The following GPC5 variants were observed in gnomAD, a reference collection of about 807,000 sequenced individuals.
GPC5 encodes the protein glypican-5.
In GPC5, 47 loss-of-function variants were observed where a neutral mutation model predicts 53.9. The ratio of observed to expected loss-of-function variants is 0.87; its 90% CI spans 0.69 to 1.11. GPC5 has a LOEUF of 1.11. GPC5 is among the 50% of genes most tolerant of loss of function. The probability of loss-of-function intolerance (pLI) is 0.00; values close to 1 mark genes in which losing one functional copy is unlikely to be tolerated. For missense variants in GPC5, 748 were observed against 713.1 expected (o/e 1.05, Z -0.56); for synonymous variants, 286 against 263.3 (o/e 1.09, Z -0.84).
intron 7 of GPC5, among the ~76,000 whole-genome samples, chr13:92,801,544 C>T (rs1876908766): frequency 6.6e-6 from 1 of 151,464 alleles, no homozygotes; most frequent in Non-Finnish European, 1.5e-5. Flanking sequence ...TTAGAGTGTA[C>T]TCCTTCAATT....
chr13:92,773,926 A>G (rs1039950775), intron 7 of GPC5, among the ~76,000 whole-genome samples: 2 of 152,206 alleles, frequency 1.3e-5, no homozygotes, highest in Non-Finnish European at 2.9e-5. Context: ...GCAAAGGAGG[A>G]GCAAAATCAT....
At chr13:92,291,751 T>A (rs2042997968) in intron 7 of GPC5, among the ~76,000 whole-genome samples, 1 of 152,126 alleles carries the variant, frequency 6.6e-6, no homozygotes, top group Non-Finnish European at 1.5e-5. Context: ...GCTGTAACAC[T>A]CACCCTGAAG....
intron 2 of GPC5, among the ~76,000 whole-genome samples, chr13:91,459,378 C>T (rs1017227637): frequency 1.1e-4 from 17 of 151,928 alleles, no homozygotes; most frequent in African/African-American, 4.1e-4. Flanking sequence ...AAAGAGGCAC[C>T]GTGGTGACTT....
intron 7 of GPC5, among the ~76,000 whole-genome samples, chr13:92,657,229 T>C (rs535580543): frequency 9.2e-5 from 14 of 152,108 alleles, no homozygotes; most frequent in Non-Finnish European, 1.8e-4. Flanking sequence ...TATATTAAAG[T>C]TAAGTATGAT....
chr13:91,428,200 G>T (rs975060032), intron 1 of GPC5, among the ~76,000 whole-genome samples: 1 of 152,164 alleles, frequency 6.6e-6, no homozygotes, highest in Non-Finnish European at 1.5e-5. Flanking sequence ...TGAGTTGTGA[G>T]TTCTTGTCTC....
chr13:92,045,458 C>T lies in GPC5; in HGVS notation c.1402-99372C>T, dbSNP rs557392181. ...GAGTAACTTCATTCCTAAACTTTCCCTGGGATATTTTATGGGCTTGCTGAA... is the reference window on the plus strand; with the variant it reads ...GAGTAACTTCATTCCTAAACTTTCCTTGGGATATTTTATGGGCTTGCTGAA... On this transcript the variant is annotated intron_variant, in intron 6 of 7. Coordinates refer to ENST00000377067, the MANE Select transcript of GPC5 (RefSeq NM_004466.6). Among the ~76,000 whole-genome samples, 10 of 152,138 alleles carry T rather than the reference C, an allele frequency of 6.6e-5. No homozygotes were observed. The South Asian group carries it at 2.1e-3, about 32-fold the overall frequency.
chr13:92,387,265 T>C (rs1874776082), intron 7 of GPC5, among the ~76,000 whole-genome samples: 2 of 152,114 alleles, frequency 1.3e-5, no homozygotes, highest in African/African-American at 4.8e-5. Flanking sequence ...AAAGTGGCTT[T>C]GTGTGACGTA....
chr13:91,523,016 C>A (rs11618176), intron 2 of GPC5, among the ~76,000 whole-genome samples: 2,916 of 152,170 alleles, frequency 0.019, 53 homozygotes, highest in Middle Eastern at 0.048. Flanking sequence ...TATCATCTTT[C>A]TGGTGTACAA....
chr13:92,101,874 A>G (rs2041469898), intron 6 of GPC5, among the ~76,000 whole-genome samples: 1 of 152,214 alleles, frequency 6.6e-6, no homozygotes, highest in African/African-American at 2.4e-5. Context: ...AAAGGGAAAA[A>G]TAAATCAACA....
chr13:92,662,663 C>T (rs528232219), intron 7 of GPC5, among the ~76,000 whole-genome samples: 1 of 152,250 alleles, frequency 6.6e-6, no homozygotes, highest in South Asian at 2.1e-4. Flanking sequence ...TTAAAAAGGT[C>T]GTGAAGTGCC....
At chr13:92,447,433 T>C (rs1017521446) in intron 7 of GPC5, 5 of 152,082 alleles carry the variant, frequency 3.3e-5, no homozygotes, top group African/African-American at 1.2e-4. Context: ...AATTAATCTG[T>C]AGCTAAGACT....
At chr13:92,203,955 A>T (rs889627985) in intron 7 of GPC5, among the ~76,000 whole-genome samples, 1 of 152,142 alleles carries the variant, frequency 6.6e-6, no homozygotes, top group Admixed American at 6.5e-5. Context: ...CTAATAGCTA[A>T]CTTCTCAATA....
intron 5 of GPC5, among the ~76,000 whole-genome samples, chr13:91,844,298 T>A (rs1386032361): frequency 2.6e-5 from 4 of 152,206 alleles, no homozygotes; most frequent in Non-Finnish European, 5.9e-5. Flanking sequence ...GAAAAGCAGA[T>A]CATCATGAGT....
chr13:91,851,922 C>A (rs1265401128), intron 5 of GPC5, among the ~76,000 whole-genome samples: 1 of 148,744 alleles, frequency 6.7e-6, no homozygotes, highest in Non-Finnish European at 1.5e-5. Context: ...TGGGTTGGTT[C>A]CAAGTCTTTG....
intron 7 of GPC5, among the ~76,000 whole-genome samples, chr13:92,429,263 A>G (rs1262724615): frequency 6.6e-6 from 1 of 152,018 alleles, no homozygotes; most frequent in Admixed American, 6.6e-5. Context: ...TTCATGTTAT[A>G]AAGAGAATCA....
rs1477727045 is a variant in GPC5, at chr13:91,763,252, C to T, written c.1280+6832C>T. On this transcript the variant is annotated intron_variant, in intron 5 of 7. Transcript: ENST00000377067. ...TCATACAAGTTACAATCTATGCTGA[C>T]TCTGGATGCTGATTTTTTCTCCCCC... Among the ~76,000 whole-genome samples the T allele has an allele frequency of 2.0e-5, 3 of 152,134 alleles. No homozygotes were observed. In the East Asian group the frequency reaches 5.8e-4, roughly 29 times the overall value.
intron 7 of GPC5, among the ~76,000 whole-genome samples, chr13:92,821,404 C>T (rs1368586648): frequency 6.6e-6 from 1 of 152,082 alleles, no homozygotes; most frequent in East Asian, 1.9e-4. Flanking sequence ...CGCAAGTCAA[C>T]ATATTCATCT....
chr13:92,065,910 T>A (rs2041163598), intron 6 of GPC5, among the ~76,000 whole-genome samples: 1 of 152,128 alleles, frequency 6.6e-6, no homozygotes, highest in African/African-American at 2.4e-5. Context: ...ATAATTATAT[T>A]GTGAATAGCC....
At chr13:92,802,180 A>T (rs1876930539) in intron 7 of GPC5, among the ~76,000 whole-genome samples, 1 of 151,860 alleles carries the variant, frequency 6.6e-6, no homozygotes, top group African/African-American at 2.4e-5. Context: ...ATTTAGATGC[A>T]AAAATACTTA....
Sources: allele counts gnomAD v4.1 joint callset (sites outside exome capture counted in the v4.1 genomes callset), GRCh38; gene constraint gnomAD v4.1.1; transcripts MANE v1.5; gene names NCBI Gene and HGNC (gene_info 2026-07-23, HGNC 2026-07-21).